Variants in CDH13 observed in about 807,000 individuals in gnomAD.
The protein encoded by CDH13 is cadherin 13.
CDH13 carries 24 observed loss-of-function variants against 63.8 expected under a neutral mutation model. The observed-to-expected ratio is 0.38, with a 90% CI of 0.27 to 0.53. The LOEUF (loss-of-function observed/expected upper bound fraction) is 0.53, where lower values mean the gene tolerates loss of function less well. CDH13 is among the 20% of genes least tolerant of loss of function. The pLI is 0.85. For synonymous variants in CDH13, 503 were observed against 355.3 expected (o/e 1.42, Z -4.67); for missense variants, 1,049 against 903.1 (o/e 1.16, Z -2.07).
chr16:83,365,370 A>G (rs929579738), intron 6 of CDH13, among the ~76,000 whole-genome samples: 1 of 152,216 alleles, frequency 6.6e-6, no homozygotes, highest in Non-Finnish European at 1.5e-5. Flanking sequence ...AGGAAGGGTC[A>G]TTTCCTTTTC....
At chr16:83,381,833 C>T (rs552014850) in intron 6 of CDH13, among the ~76,000 whole-genome samples, 3 of 152,076 alleles carry the variant, frequency 2.0e-5, no homozygotes, top group African/African-American at 7.2e-5. Context: ...TAGAGACAGA[C>T]TGAAGTCTAA....
chr16:82,982,564 A>C (rs1005903882), intron 2 of CDH13, among the ~76,000 whole-genome samples: 2 of 152,144 alleles, frequency 1.3e-5, no homozygotes, highest in East Asian at 1.9e-4. Context: ...TATCAGTTCT[A>C]TGTGGAAGAT....
chr16:83,022,296 T>C (rs1915416285), intron 2 of CDH13, among the ~76,000 whole-genome samples: 1 of 152,142 alleles, frequency 6.6e-6, no homozygotes. Context: ...TTGAATTCTG[T>C]TTTTCCAAGT....
intron 1 of CDH13, among the ~76,000 whole-genome samples, chr16:82,785,392 C>G (rs961131448): frequency 6.6e-6 from 1 of 152,148 alleles, no homozygotes; most frequent in Non-Finnish European, 1.5e-5. Flanking sequence ...AAATGCAGCT[C>G]TTTAAAATGG....
chr16:82,770,418 TTTAG>T (rs1464264138), intron 1 of CDH13, among the ~76,000 whole-genome samples: 2 of 152,186 alleles, frequency 1.3e-5, no homozygotes, highest in South Asian at 2.1e-4. Flanking sequence ...TTCTTGACCG[TTTAG>T]TTATTTAGTC....
chr16:83,665,653 G>A (rs1190460027), intron 8 of CDH13, among the ~76,000 whole-genome samples: 2 of 152,142 alleles, frequency 1.3e-5, no homozygotes, highest in South Asian at 4.1e-4. Flanking sequence ...TGAAACTTTA[G>A]GGTTAATGGC....
intron 7 of CDH13, among the ~76,000 whole-genome samples, chr16:83,530,802 C>G (rs1176196562): frequency 3.3e-5 from 5 of 152,194 alleles, no homozygotes; most frequent in African/African-American, 4.8e-5. Flanking sequence ...ATTGCCACCT[C>G]TATGTTGAAA....
At position 83,797,851 on chromosome 16, in the gene CDH13, T is replaced by C. The variant is rs1275311254; in HGVS notation, c.*2821T>C. ...TTGATTAAAAATCACATTTTCTCCC[T>C]CATTTTACATACGATAAATTAATTA... On this transcript the variant is annotated 3_prime_UTR_variant, in exon 14 of 14. Coordinates refer to ENST00000567109, the MANE Select transcript of CDH13 (RefSeq NM_001257.5). 6.6e-6 allele frequency: 1 copy of C among 152,228 alleles called. No homozygotes were observed. The highest frequency in any genetic ancestry group is 2.4e-5 in the African/African-American group (1 of 41,458). 9.4% of individuals were successfully genotyped at this position (152,228 alleles called of 1,614,324 possible).
intron 4 of CDH13, among the ~76,000 whole-genome samples, chr16:83,193,221 G>T (rs1185667313): frequency 6.6e-6 from 1 of 151,790 alleles, no homozygotes; most frequent in Non-Finnish European, 1.5e-5. Flanking sequence ...AGCCATCCTA[G>T]ATGCTAGCTC....
intron 6 of CDH13, among the ~76,000 whole-genome samples, chr16:83,417,205 C>G (rs1330952993): frequency 6.6e-6 from 1 of 152,120 alleles, no homozygotes; most frequent in Non-Finnish European, 1.5e-5. Context: ...CCAGGGCAGT[C>G]TGACTTCAGA....
intron 2 of CDH13, among the ~76,000 whole-genome samples, chr16:82,949,274 G>A (rs1225210270): frequency 6.6e-6 from 1 of 152,174 alleles, no homozygotes. Context: ...GTGTTCCTTG[G>A]CTTGTAGCTG....
intron 5 of CDH13, among the ~76,000 whole-genome samples, chr16:83,283,003 C>T (rs928524487): frequency 1.3e-5 from 2 of 152,156 alleles, no homozygotes; most frequent in Non-Finnish European, 2.9e-5. Flanking sequence ...TTCTTCACTC[C>T]TTATTTATAG....
In CDH13 at chr16:83,616,204, A is replaced by G. The variant is rs573179268; in HGVS notation, c.1101+13610A>G. Among the ~76,000 whole-genome samples, 429 of 152,308 alleles carry G rather than the reference A, an allele frequency of 2.8e-3. 2 individuals are homozygous for G. Among genetic ancestry groups the G allele is most frequent in the African/African-American group, 9.2e-3 (383 of 41,570 alleles). ...CTGTCTTGCGTTGTTGGAAATGCCC[A>G]CGCTGATTATAAACTCTGTGTGGAA... On this transcript the variant is annotated intron_variant, in intron 8 of 13. Transcript: ENST00000567109.
At chr16:83,035,873 T>C (rs115035333) in intron 3 of CDH13, among the ~76,000 whole-genome samples, 2,432 of 152,326 alleles carry the variant, frequency 0.016, 60 homozygotes, top group African/African-American at 0.052. Flanking sequence ...CAGTAATGTA[T>C]AGCACTCAGC....
At chr16:83,373,441 G>A (rs996465293) in intron 6 of CDH13, among the ~76,000 whole-genome samples, 4 of 152,140 alleles carry the variant, frequency 2.6e-5, no homozygotes, top group Non-Finnish European at 2.9e-5. Flanking sequence ...TGGATAGCAT[G>A]AGAAGCTTGT....
intron 3 of CDH13, among the ~76,000 whole-genome samples, chr16:83,118,569 T>C (rs1205858104): frequency 1.3e-5 from 2 of 152,216 alleles, no homozygotes; most frequent in African/African-American, 4.8e-5. Context: ...TCACTCCTGA[T>C]ACAGACTGAG....
At chr16:83,771,963 A>G (rs1005073188) in intron 11 of CDH13, among the ~76,000 whole-genome samples, 3 of 152,226 alleles carry the variant, frequency 2.0e-5, no homozygotes, top group South Asian at 2.1e-4. Context: ...TAAGAAGTCA[A>G]TGACACAAGA....
At chr16:83,606,090 T>A (rs1049791232) in intron 8 of CDH13, among the ~76,000 whole-genome samples, 1 of 152,184 alleles carries the variant, frequency 6.6e-6, no homozygotes, top group Non-Finnish European at 1.5e-5. Flanking sequence ...AGATGGGGCT[T>A]ATGATCTTGA....
At chr16:82,972,013 T>C (rs934521669) in intron 2 of CDH13, among the ~76,000 whole-genome samples, 37 of 152,226 alleles carry the variant, frequency 2.4e-4, no homozygotes, top group African/African-American at 8.7e-4. Context: ...TGCCATAAGC[T>C]TATTTGTATT....
Sources: gnomAD v4.1 joint callset for allele counts (sites outside exome capture counted in the v4.1 genomes callset) on GRCh38, gnomAD v4.1.1 for gene constraint, MANE v1.5 for transcripts, NCBI Gene and HGNC (gene_info 2026-07-23, HGNC 2026-07-21) for gene names.